IMMP2L: variants seen among roughly 807,000 people sequenced by gnomAD.
IMMP2L encodes mitochondrial inner membrane protease subunit 2.
IMMP2L carries 18 observed loss-of-function variants against 19.3 expected under a neutral mutation model. That is an observed-to-expected ratio of 0.93 (90% confidence interval 0.64 to 1.38). The LOEUF is 1.38. Ranked by LOEUF, IMMP2L falls within the 40% of genes most tolerant of loss-of-function variation. The probability of loss-of-function intolerance (pLI) is 0.00; values close to 1 mark genes in which losing one functional copy is unlikely to be tolerated. For synonymous variants in IMMP2L, 76 were observed against 73.0 expected (o/e 1.04, Z -0.21); for missense variants, 233 against 218.2 (o/e 1.07, Z -0.43).
intron 3 of IMMP2L, among the ~76,000 whole-genome samples, chr7:111,206,490 ATTTTT>A (rs1284256270): frequency 6.6e-6 from 1 of 151,492 alleles, no homozygotes; most frequent in African/African-American, 2.4e-5. Context: ...TGCTCTTCAG[ATTTTT>A]TTTTAATTCT....
chr7:110,817,649 A>T (rs192912919), intron 5 of IMMP2L, among the ~76,000 whole-genome samples: 56 of 152,160 alleles, frequency 3.7e-4, no homozygotes, highest in Middle Eastern at 6.8e-3. Context: ...GAGCCCGCAT[A>T]GCCAAGTCAA....
intron 3 of IMMP2L, among the ~76,000 whole-genome samples, chr7:111,193,914 T>A (rs1041459559): frequency 2.9e-4 from 44 of 152,148 alleles, no homozygotes; most frequent in Non-Finnish European, 7.3e-5. Context: ...TGACCTTACA[T>A]CTCAAGACTA....
chr7:110,827,342 T>C (rs2131367100), intron 5 of IMMP2L, among the ~76,000 whole-genome samples: 1 of 152,254 alleles, frequency 6.6e-6, no homozygotes, highest in South Asian at 2.1e-4. Context: ...TTAGGAGACT[T>C]TTCAATTGGT....
intron 3 of IMMP2L, among the ~76,000 whole-genome samples, chr7:111,449,026 G>T (rs897378707): frequency 2.6e-5 from 4 of 151,284 alleles, no homozygotes; most frequent in African/African-American, 9.7e-5. Flanking sequence ...TTGAATCTCT[G>T]AATAGACCAA....
At chr7:110,980,031 A>T (rs1821102507) in intron 3 of IMMP2L, among the ~76,000 whole-genome samples, 1 of 152,096 alleles carries the variant, frequency 6.6e-6, no homozygotes, top group Non-Finnish European at 1.5e-5. Context: ...TTATAACATG[A>T]CTTCAGACAA....
intron 2 of IMMP2L, among the ~76,000 whole-genome samples, chr7:111,488,086 G>A (rs768954183): frequency 6.6e-5 from 10 of 152,148 alleles, no homozygotes; most frequent in African/African-American, 9.7e-5. Flanking sequence ...TTGGACAGGG[G>A]TACAGACAAA....
At chr7:111,303,227 G>C (rs980897173) in intron 3 of IMMP2L, among the ~76,000 whole-genome samples, 2 of 151,976 alleles carry the variant, frequency 1.3e-5, no homozygotes, top group Non-Finnish European at 2.9e-5. Flanking sequence ...AATCTGAAAA[G>C]TTAAAATAGC....
At chr7:111,255,093 A>G (rs534822265) in intron 3 of IMMP2L, among the ~76,000 whole-genome samples, 134 of 152,018 alleles carry the variant, frequency 8.8e-4, no homozygotes, top group African/African-American at 3.2e-3. Flanking sequence ...TAGCAATTCC[A>G]CCTCCACCCC....
chr7:110,673,701 A>G (rs1179696906), intron 5 of IMMP2L, among the ~76,000 whole-genome samples: 1 of 152,200 alleles, frequency 6.6e-6, no homozygotes, highest in East Asian at 1.9e-4. Flanking sequence ...AAGCATAACA[A>G]AAGTCATCTT....
chr7:111,036,737 C>A (rs1338479868), intron 3 of IMMP2L, among the ~76,000 whole-genome samples: 1 of 152,100 alleles, frequency 6.6e-6, no homozygotes, highest in Non-Finnish European at 1.5e-5. Context: ...ATCATATATT[C>A]TTGTAAAAGT....
intron 3 of IMMP2L, among the ~76,000 whole-genome samples, chr7:110,988,274 G>A (rs1397899031): frequency 6.6e-6 from 1 of 152,220 alleles, no homozygotes; most frequent in Non-Finnish European, 1.5e-5. Flanking sequence ...CAGGAGCTGG[G>A]TTGTCAATGG....
chr7:111,043,257 G>T (rs1311058174), intron 3 of IMMP2L, among the ~76,000 whole-genome samples: 1 of 152,178 alleles, frequency 6.6e-6, no homozygotes, highest in Non-Finnish European at 1.5e-5. Flanking sequence ...CACATCCTAT[G>T]ATTTGATTTA....
chr7:111,535,168 G>T (rs1287970187), intron 1 of IMMP2L, among the ~76,000 whole-genome samples: 6 of 151,946 alleles, frequency 3.9e-5, no homozygotes, highest in Admixed American at 3.9e-4. Context: ...GTTTAATTTT[G>T]CAGAATTAAA....
Position 111,241,377 on chromosome 7 carries a change from T to G in IMMP2L, c.239+245861A>C, listed in dbSNP as rs535863362. ...AAAGTATGATTTGCTTTGTAAAAAT[T>G]TTATTCTTGTACAACAACAAGAAAT... is the stretch of plus-strand genomic sequence containing the variant. On this transcript the variant is annotated intron_variant, in intron 3 of 5. Coordinates refer to ENST00000405709, the MANE Select transcript of IMMP2L (RefSeq NM_032549.4). Among the ~76,000 whole-genome samples the G allele has an allele frequency of 4.6e-5, 7 of 152,096 alleles. No homozygotes were observed. In the South Asian group the frequency reaches 1.0e-3, roughly 23 times the overall value.
intron 3 of IMMP2L, among the ~76,000 whole-genome samples, chr7:111,479,811 G>C (rs1403960913): frequency 6.6e-6 from 1 of 152,030 alleles, no homozygotes; most frequent in Admixed American, 6.6e-5. Flanking sequence ...AATGTTGCCT[G>C]TATAATTTTG....
chr7:111,293,406 G>T (rs560333558), intron 3 of IMMP2L, among the ~76,000 whole-genome samples: 2 of 151,328 alleles, frequency 1.3e-5, no homozygotes, highest in African/African-American at 4.8e-5. Flanking sequence ...GTAGAACAGG[G>T]CAAAAAATTA....
intron 3 of IMMP2L, among the ~76,000 whole-genome samples, chr7:111,215,083 T>C (rs1427987404): frequency 1.3e-5 from 2 of 152,202 alleles, no homozygotes; most frequent in African/African-American, 2.4e-5. Flanking sequence ...CAGTTTGCCA[T>C]AGTACCCATC....
intron 3 of IMMP2L, among the ~76,000 whole-genome samples, chr7:111,435,750 T>C (rs1394374927): frequency 6.6e-6 from 1 of 151,808 alleles, no homozygotes; most frequent in Non-Finnish European, 1.5e-5. Context: ...GAGCTACAAA[T>C]TATAGAAGCA....
chr7:110,786,751 G>A (rs1440993390), intron 5 of IMMP2L, among the ~76,000 whole-genome samples: 3 of 152,004 alleles, frequency 2.0e-5, no homozygotes, highest in Admixed American at 2.0e-4. Context: ...GAGACATGAT[G>A]TATTTAATTC....
Sources: allele counts gnomAD v4.1 joint callset (sites outside exome capture counted in the v4.1 genomes callset), GRCh38; gene constraint gnomAD v4.1.1; transcripts MANE v1.5; gene names NCBI Gene and HGNC (gene_info 2026-07-23, HGNC 2026-07-21).